The following SH3BP2 variants were observed in gnomAD, a reference collection of about 807,000 sequenced individuals.
SH3BP2 encodes the protein SH3 domain-binding protein 2.
A neutral mutation model predicts 56.2 loss-of-function variants in SH3BP2; 38 were observed. The observed-to-expected ratio is 0.68, with a 90% confidence interval of 0.52 to 0.89. SH3BP2 has a LOEUF of 0.89. Ranked by LOEUF, SH3BP2 falls within the 40% of genes least tolerant of loss-of-function variation. The pLI, the probability that SH3BP2 is intolerant of heterozygous loss-of-function variation, is 0.00. For synonymous variants in SH3BP2, 346 were observed against 316.7 expected, an observed-to-expected ratio of 1.09 and a Z score of -0.98; for missense variants, 748 against 762.6, an observed-to-expected ratio of 0.98 and a Z score of 0.23.
At chr4:2,827,488 C>G (rs1724734598) in intron 6 of SH3BP2, 118 bp from the exon 7 acceptor site, 1 of 1,218,146 alleles carries the variant, frequency 8.2e-7, no homozygotes, top group Non-Finnish European at 1.2e-6. Context: ...TCTGGACTCA[C>G]AGTCCTCCCA....
At chr4:2,795,175 T>C (rs2108692641) in intron 1 of SH3BP2, among the ~76,000 whole-genome samples, 1 of 152,250 alleles carries the variant, frequency 6.6e-6, no homozygotes, top group East Asian at 1.9e-4. Context: ...TCCCTGGTCC[T>C]CAGGGCCGCT....
At chr4:2,799,375 TG>T in intron 1 of SH3BP2, 1 of 859,822 alleles carries the variant, frequency 1.2e-6, no homozygotes, top group Non-Finnish European at 1.4e-6. Context: ...TGAGCCATCC[TG>T]GGGTCCTGGG....
intron 6 of SH3BP2, 121 bp downstream of exon 6, chr4:2,827,439 C>A: frequency 8.5e-7 from 1 of 1,183,390 alleles, no homozygotes. Flanking sequence ...TTTGGCAGTG[C>A]GCAGTAGCAT....
In SH3BP2 at chr4:2,838,465, T is replaced by C. The variant is rs527899738; in HGVS notation, c.*4631T>C. 1 of 152,376 alleles carries C rather than the reference T, an allele frequency of 6.6e-6. No individual in the cohort carries two copies. The highest frequency in any genetic ancestry group is 1.5e-5 in the Non-Finnish European group (1 of 68,042). The allele number at this position is 152,376 out of a possible 1,614,324, so 9.4% of individuals were successfully genotyped here. A position where few individuals can be genotyped will look rare whatever the true frequency, so the allele number is the denominator to read the frequency against. ...GATTTATTCATGTTGCTGTGCGTAG[T>C]ATAGTTTGTGCATGTTCATTGCTAA... On this transcript the variant is annotated 3_prime_UTR_variant, in exon 13 of 13. Coordinates refer to ENST00000503393, the MANE Select transcript of SH3BP2 (RefSeq NM_001122681.2).
In SH3BP2 at chr4:2,839,259, G is replaced by A. The variant is rs1368099062; in HGVS notation, c.*5425G>A. On this transcript the variant is annotated 3_prime_UTR_variant, in exon 13 of 13. Coordinates refer to ENST00000503393, the MANE Select transcript of SH3BP2 (RefSeq NM_001122681.2). Reference sequence around the variant, plus strand: ...CAATCTCAGCTCACTGCAGCCTTGAGTCAGGCTCAGGTGATTCTCTCACCT... The same window carrying A: ...CAATCTCAGCTCACTGCAGCCTTGAATCAGGCTCAGGTGATTCTCTCACCT... 6.6e-6 allele frequency: 1 copy of A among 150,574 alleles called. No individual in the cohort carries two copies. Among genetic ancestry groups the A allele is most frequent in the Non-Finnish European group, 1.5e-5 (1 of 67,722 alleles). The allele number at this position is 150,574 out of a possible 1,614,324, so 9.3% of individuals were successfully genotyped here.
chr4:2,824,825 G>A, intron 4 of SH3BP2, 95 bp downstream of exon 4: 1 of 978,132 alleles, frequency 1.0e-6, no homozygotes, highest in Non-Finnish European at 1.6e-6. Context: ...TGGTCCTGGG[G>A]CGCTGGCCTC....
At position 2,831,722 on chromosome 4, in the gene SH3BP2, G is replaced by A. The variant is rs1204751700; in HGVS notation, c.1350+43G>A. 2 of 1,508,588 alleles carry A rather than the reference G, an allele frequency of 1.3e-6. No homozygotes were observed. Among genetic ancestry groups the A allele is most frequent in the Non-Finnish European group, 1.8e-6 (2 of 1,101,878 alleles). 93.5% of individuals were successfully genotyped at this position (1,508,588 alleles called of 1,614,324 possible). On this transcript the variant is annotated intron_variant, in intron 9 of 12. Transcript: ENST00000503393. The surrounding 1 kb of genome is among the most constrained non-coding windows in gnomAD (Gnocchi z 4.1). The stretch of plus-strand genomic sequence containing the variant: ...GCCTGGGTCCCAGTGGCCAGTAGGT[G>A]GACAGGTGGTGGGAAAGCCATAGGC...
At chr4:2,816,059 A>T (rs1413620049) in intron 1 of SH3BP2, among the ~76,000 whole-genome samples, 2 of 148,116 alleles carry the variant, frequency 1.4e-5, no homozygotes, top group South Asian at 2.1e-4. Flanking sequence ...TATTCTAATA[A>T]TTTTTTTTTT....
intron 1 of SH3BP2, chr4:2,796,552 C>T (rs752206068): frequency 7.5e-4 from 600 of 796,338 alleles, no homozygotes; most frequent in Non-Finnish European, 8.8e-4. Flanking sequence ...AATGTGGGCT[C>T]GGCCACCTGG....
At chr4:2,816,123 C>T (rs551246743) in intron 1 of SH3BP2, among the ~76,000 whole-genome samples, 4 of 152,058 alleles carry the variant, frequency 2.6e-5, no homozygotes, top group South Asian at 2.1e-4. Flanking sequence ...GGCGCAATCT[C>T]GGCTCACTGC....
At chr4:2,802,388 T>C (rs7659744) in intron 1 of SH3BP2, among the ~76,000 whole-genome samples, 35,763 of 146,686 alleles carry the variant, frequency 0.24, 4,835 homozygotes, top group African/African-American at 0.37. Flanking sequence ...AGTGAGACTC[T>C]GTCTCAAAAA....
Position 2,824,533 on chromosome 4 carries a change from C to T in SH3BP2, c.240-80C>T, listed in dbSNP as rs113446832. 2.2e-3 allele frequency: 2,262 copies of T among 1,045,366 alleles called. 30 individuals carry two copies. In the African/African-American group the frequency reaches 0.031, roughly 14 times the overall value. The allele number at this position is 1,045,366 out of a possible 1,614,324, so 64.8% of individuals were successfully genotyped here. ...TTGGGGCGTGGTGCTGGTGCCGAGA[C>T]GTGTTCACAGGGGGGTGCTGTGGGA... On this transcript the variant is annotated intron_variant, in intron 3 of 12. Coordinates refer to ENST00000503393, the MANE Select transcript of SH3BP2 (RefSeq NM_001122681.2).
At chr4:2,808,151 G>A (rs1723606263) in intron 1 of SH3BP2, among the ~76,000 whole-genome samples, 1 of 152,196 alleles carries the variant, frequency 6.6e-6, no homozygotes, top group African/African-American at 2.4e-5. Context: ...AAGCTGAGGG[G>A]TCTACAGGGC....
chr4:2,824,794 G>A, intron 4 of SH3BP2, 64 bp downstream of exon 4: 1 of 1,278,812 alleles, frequency 7.8e-7, no homozygotes, highest in Non-Finnish European at 1.1e-6. Context: ...GCACCAGGCT[G>A]GACCTGCCTT....
In SH3BP2 at chr4:2,824,658, C is replaced by T; in HGVS notation, c.285C>T (p.Pro95=). 1.2e-6 allele frequency: 2 copies of T among 1,614,064 alleles called. No individual in the cohort carries two copies. The highest frequency in any genetic ancestry group is 1.7e-6 in the Non-Finnish European group (2 of 1,179,998). Residue 95 remains proline, a synonymous_variant, in exon 4 of 13, where the codon CCC becomes CCT. Transcript: ENST00000503393. ...AEETTSNNVF[P]FKIIHISKKH... The stretch of plus-strand genomic sequence containing the variant: ...AGACCACGTCCAACAACGTTTTCCC[C>T]TTCAAGATCATCCATATCAGCAAGA...
At chr4:2,823,932 C>T (rs1724450350) in intron 3 of SH3BP2, among the ~76,000 whole-genome samples, 1 of 152,232 alleles carries the variant, frequency 6.6e-6, no homozygotes, top group Non-Finnish European at 1.5e-5. Flanking sequence ...TGGGGAAGGT[C>T]GTTCCCTTTC....
chr4:2,831,814 C>T lies in SH3BP2; in HGVS notation c.1351-109C>T, dbSNP rs998662252. ...GAGAACCCGGGAGCCTAGGGGGACA[C>T]AGCACCATGTAAAGCCCCGGATCCC... On this transcript the variant is annotated intron_variant, in intron 9 of 12. Transcript: ENST00000503393. This position sits in a 1 kb window ranked among gnomAD's most constrained non-coding sequence, Gnocchi z 4.1. 4 of 1,396,992 alleles carry T rather than the reference C, an allele frequency of 2.9e-6. No individual in the cohort carries two copies. In the African/African-American group the frequency reaches 5.7e-5, roughly 20 times the overall value. 86.5% of individuals were successfully genotyped at this position (1,396,992 alleles called of 1,614,324 possible).
intron 10 of SH3BP2, 122 bp from the exon 11 acceptor site, chr4:2,832,209 C>T: frequency 9.5e-7 from 1 of 1,052,142 alleles, no homozygotes; most frequent in African/African-American, 1.6e-5. Flanking sequence ...GCCCGACGTG[C>T]TCAGCTCCTG....
rs1316116349 is a variant in SH3BP2 at position 2,834,676 on chromosome 4, G to A, written c.*842G>A. On this transcript the variant is annotated 3_prime_UTR_variant, in exon 13 of 13. Coordinates refer to ENST00000503393, the MANE Select transcript of SH3BP2 (RefSeq NM_001122681.2). ...ATACACTGAGCGGGCTACAGAGCTA[G>A]AAGGCCCTGCAGCTACAGCTGCTTC... 4 of 152,336 alleles carry A rather than the reference G, an allele frequency of 2.6e-5. No individual in the cohort carries two copies. The highest frequency in any genetic ancestry group is 6.5e-5 in the Admixed American group (1 of 15,294). 9.4% of individuals were successfully genotyped at this position (152,336 alleles called of 1,614,324 possible).
Sources: gnomAD v4.1 joint callset for allele counts (sites outside exome capture counted in the v4.1 genomes callset) on GRCh38, gnomAD v4.1.1 for gene constraint, Gnocchi (gnomAD v3.1) non-coding constraint, MANE v1.5 for transcripts, NCBI Gene and HGNC (gene_info 2026-07-23, HGNC 2026-07-21) for gene names.